SLC22A17: variants seen among roughly 807,000 people sequenced by gnomAD.
SLC22A17 encodes the protein 24p3 receptor.
Under a neutral mutation model 53.6 loss-of-function variants are expected in SLC22A17, and 38 were observed. The ratio of observed to expected loss-of-function variants is 0.71; its 90% CI spans 0.55 to 0.93. The LOEUF is 0.93. Ranked by LOEUF, SLC22A17 falls within the 40% of genes least tolerant of loss-of-function variation. The probability of loss-of-function intolerance (pLI) is 0.00; values close to 1 mark genes in which losing one functional copy is unlikely to be tolerated. For synonymous variants in SLC22A17, 379 were observed against 353.0 expected (o/e 1.07, Z -0.82); for missense variants, 704 against 791.0 (o/e 0.89, Z 1.32).
At chr14:23,349,132 C>T in intron 4 of SLC22A17, 140 bp downstream of exon 4, 2 of 1,112,122 alleles carry the variant, frequency 1.8e-6, no homozygotes, top group Non-Finnish European at 2.7e-6. Context: ...GCCCTGGATT[C>T]TTCAAGGGGG....
chr14:23,351,939 C>A lies in SLC22A17; in HGVS notation c.600+9G>T. 1 of 1,611,812 alleles carries A rather than the reference C, an allele frequency of 6.2e-7. No homozygotes were observed. The highest frequency in any genetic ancestry group is 8.5e-7 in the Non-Finnish European group (1 of 1,178,846). The stretch of plus-strand genomic sequence containing the variant: ...GCCCCCAGACCCGCGGCCCGCCTGG[C>A]CGCCTCACCTGGCCGATGGCGTTGG... On this transcript the variant is annotated intron_variant, in intron 2 of 9. Transcript: ENST00000397267.
chr14:23,346,740 C>T, exon 10 of SLC22A17: 1 of 1,545,440 alleles, frequency 6.5e-7, no homozygotes, highest in Admixed American at 1.9e-5. Flanking sequence ...CGACACAGCT[C>T]CCCGTCCCGG....
chr14:23,347,504 G>A lies in SLC22A17; in HGVS notation c.1505C>T (p.Pro502Leu), dbSNP rs1011030235. Residue 502 changes from proline (P) to leucine (L), a missense_variant, in exon 8 of 10, where the codon CCT becomes CTT. Physicochemically the swap from Pro to Leu is moderately conservative, Grantham distance 98 (BLOSUM62 -3). This residue lies in a region of SLC22A17 where 435 missense variants were observed against 529.0 expected (regional missense o/e 0.82). Transcript: ENST00000397267. This position sits in a 1 kb window ranked among gnomAD's most constrained non-coding sequence, Gnocchi z 5.1. Reference sequence around the variant, plus strand: ...TTGAGCCCACACTGTGGGGAAGATAGGATGCTCACAATCCCACAGGCCCAG... The same window carrying A: ...TTGAGCCCACACTGTGGGGAAGATAAGATGCTCACAATCCCACAGGCCCAG... 1 of 1,613,884 alleles carries A rather than the reference G, an allele frequency of 6.2e-7. No individual in the cohort carries two copies. The highest frequency in any genetic ancestry group is 1.3e-5 in the African/African-American group (1 of 74,904).
exon 10 of SLC22A17, chr14:23,346,688 T>A: frequency 6.5e-7 from 1 of 1,530,098 alleles, no homozygotes; most frequent in South Asian, 1.2e-5. Flanking sequence ...CGGGACGTGG[T>A]CACAGCGGGT....
In SLC22A17 at chr14:23,352,819, C is replaced by A; in HGVS notation, c.-78G>T. 1 of 398,346 alleles carries A rather than the reference C, an allele frequency of 2.5e-6. No individual in the cohort carries two copies. The highest frequency in any genetic ancestry group is 1.3e-4 in the South Asian group (1 of 7,768). The allele number at this position is 398,346 out of a possible 1,614,324, so 24.7% of individuals were successfully genotyped here. A position where few individuals can be genotyped will look rare whatever the true frequency, so the allele number is the denominator to read the frequency against. On this transcript the variant is annotated 5_prime_UTR_variant, in exon 1 of 10. Transcript: ENST00000397267. The surrounding 1 kb of genome is among the most constrained non-coding windows in gnomAD (Gnocchi z 7.2). ...CTGGCTCAGTTGCGCGCCGGCTGCCCGGACACAGACAGCTCGAAGAGATCC... is the reference window on the plus strand; with the variant it reads ...CTGGCTCAGTTGCGCGCCGGCTGCCAGGACACAGACAGCTCGAAGAGATCC...
At chr14:23,351,846 C>A (rs765678245) in exon 3 of SLC22A17, 2 of 1,613,392 alleles carry the variant, frequency 1.2e-6, no homozygotes, top group South Asian at 2.2e-5. Flanking sequence ...AGGTCACACA[C>A]CAGATCCCAC....
intron 3 of SLC22A17, chr14:23,350,846 G>A (rs918072568): frequency 6.6e-6 from 1 of 152,272 alleles, no homozygotes; most frequent in Non-Finnish European, 1.5e-5. Flanking sequence ...GCCCACAGAG[G>A]TGTGTGACTA....
chr14:23,352,241 G>A lies in SLC22A17; in HGVS notation c.307C>T (p.Leu103=). ...CCCAGAGCCACGAAGAGCACCGGCA[G>A]GCAGCAGAGGCCGAGCTGCAGCTGC... Residue 103 remains leucine, a synonymous_variant, in exon 2 of 10, where the codon CTG becomes TTG. Coordinates refer to ENST00000397267, the Ensembl canonical transcript of SLC22A17. This position sits in a 1 kb window ranked among gnomAD's most constrained non-coding sequence, Gnocchi z 7.2. 1 of 1,446,176 alleles carries A rather than the reference G, an allele frequency of 6.9e-7. No homozygotes were observed. Among genetic ancestry groups the A allele is most frequent in the Non-Finnish European group, 9.1e-7 (1 of 1,103,082 alleles). 89.6% of individuals were successfully genotyped at this position (1,446,176 alleles called of 1,614,324 possible). A position where few individuals can be genotyped will look rare whatever the true frequency, so the allele number is the denominator to read the frequency against.
At chr14:23,351,056 C>A (rs1028911048) in intron 3 of SLC22A17, 1 of 152,130 alleles carries the variant, frequency 6.6e-6, no homozygotes, top group African/African-American at 2.4e-5. Flanking sequence ...GATTTTTGAT[C>A]TGTGGGAAGA....
In SLC22A17 at chr14:23,351,739, C is replaced by G; in HGVS notation, c.704+13G>C. 6.2e-7 allele frequency: 1 copy of G among 1,608,466 alleles called. No individual in the cohort carries two copies. Among genetic ancestry groups the G allele is most frequent in the Non-Finnish European group, 8.5e-7 (1 of 1,177,784 alleles). On this transcript the variant is annotated intron_variant, in intron 3 of 9. Coordinates refer to ENST00000397267, the Ensembl canonical transcript of SLC22A17. ...CTCCTTTCTACCAGCCCTGCCCCCACGACAGCCCTCACCTGTCTGCGGGGT... is the reference window on the plus strand; with the variant it reads ...CTCCTTTCTACCAGCCCTGCCCCCAGGACAGCCCTCACCTGTCTGCGGGGT...
At position 23,348,853 on chromosome 14, in the gene SLC22A17, C is replaced by T; in HGVS notation, c.860-182G>A. On this transcript the variant is annotated intron_variant, in intron 4 of 9. Coordinates refer to ENST00000397267, the Ensembl canonical transcript of SLC22A17. The surrounding 1 kb of genome is among the most constrained non-coding windows in gnomAD (Gnocchi z 4.5). ...AGGACTGGGGAGACTGTTCAGCCCTCTCTCCTCTCCTGCTCAAACCTAGGA... is the reference window on the plus strand; with the variant it reads ...AGGACTGGGGAGACTGTTCAGCCCTTTCTCCTCTCCTGCTCAAACCTAGGA... 3 of 653,268 alleles carry T rather than the reference C, an allele frequency of 4.6e-6. No homozygotes were observed. 40.5% of individuals were successfully genotyped at this position (653,268 alleles called of 1,614,324 possible).
chr14:23,348,364 G>A lies in SLC22A17; in HGVS notation c.1026-58C>T. On this transcript the variant is annotated intron_variant, in intron 5 of 9. Coordinates refer to ENST00000397267, the Ensembl canonical transcript of SLC22A17. This position sits in a 1 kb window ranked among gnomAD's most constrained non-coding sequence, Gnocchi z 4.5. ...GCCTCCCTTCTCCTGATCTAGGGGT[G>A]GGAAATGTGCACCTCTGAGGGACTG... The A allele has an allele frequency of 6.9e-6, 11 of 1,603,462 alleles. No individual in the cohort carries two copies. The highest frequency in any genetic ancestry group is 9.4e-6 in the Non-Finnish European group (11 of 1,173,142).
exon 10 of SLC22A17, chr14:23,346,535 C>T (rs144964985): frequency 1.8e-5 from 24 of 1,309,312 alleles, no homozygotes; most frequent in East Asian, 1.3e-4. Context: ...CGATGGCTGG[C>T]GTGAGGTGCC....
chr14:23,348,072 C>G lies in SLC22A17; in HGVS notation c.1172-76G>C. On this transcript the variant is annotated intron_variant, in intron 6 of 9. Coordinates refer to ENST00000397267, the Ensembl canonical transcript of SLC22A17. This position sits in a 1 kb window ranked among gnomAD's most constrained non-coding sequence, Gnocchi z 4.5. ...TCCTCCCACATGGGTGGTGGGGACC[C>G]TGGGAGAAGGTGGCACAGCTACAGC... The G allele has an allele frequency of 6.2e-7, 1 of 1,610,646 alleles. No individual in the cohort carries two copies. Among genetic ancestry groups the G allele is most frequent in the Non-Finnish European group, 8.5e-7 (1 of 1,177,588 alleles).
Position 23,346,670 on chromosome 14 carries a change from G to A in SLC22A17, c.1928C>T (p.Ala643Val). ...CGCTCAGAGGGCAGGGTTGGGGGTG[G>A]CAAGCAGCGGGACGTGGTCACAGCG... Residue 643 changes from alanine (A) to valine (V), a missense_variant, in exon 10 of 10, where the codon GCC becomes GTC. Transcript: ENST00000397267. 1.3e-6 allele frequency: 2 copies of A among 1,509,760 alleles called. No homozygotes were observed. The highest frequency in any genetic ancestry group is 2.3e-5 in the East Asian group (1 of 42,940). 93.5% of individuals were successfully genotyped at this position (1,509,760 alleles called of 1,614,324 possible).
At position 23,348,727 on chromosome 14, in the gene SLC22A17, TAA is replaced by T. The variant is rs1234822727; in HGVS notation, c.860-58_860-57del. ...AGGGAGGCCAGGGAGGAAGAAGGCATAAGAGAGAAGAAGAAAGAGGGAGGGAG... is the reference window on the plus strand; with the variant it reads ...AGGGAGGCCAGGGAGGAAGAAGGCATGAGAGAAGAAGAAAGAGGGAGGGAG... On this transcript the variant is annotated intron_variant, in intron 4 of 9. Transcript: ENST00000397267. The surrounding 1 kb of genome is among the most constrained non-coding windows in gnomAD (Gnocchi z 4.5). 1 of 1,520,236 alleles carries T rather than the reference TAA, an allele frequency of 6.6e-7. No individual in the cohort carries two copies. Among genetic ancestry groups the T allele is most frequent in the African/African-American group, 1.4e-5 (1 of 71,814 alleles). 94.2% of individuals were successfully genotyped at this position (1,520,236 alleles called of 1,614,324 possible).
rs746899623 is a variant in SLC22A17, at chr14:23,348,156, C to G, written c.1171+5G>C. 6 of 1,613,926 alleles carry G rather than the reference C, an allele frequency of 3.7e-6. No individual in the cohort carries two copies. Among genetic ancestry groups the G allele is most frequent in the Non-Finnish European group, 5.1e-6 (6 of 1,179,960 alleles). ...GCAACACTCACAGGGATCCCTGTCT[C>G]TTACCCTGCAGGGCCTCCTGGGCCT... On this transcript the variant is annotated splice_donor_5th_base_variant and intron_variant, in intron 6 of 9. Transcript: ENST00000397267. The surrounding 1 kb of genome is among the most constrained non-coding windows in gnomAD (Gnocchi z 4.5).
At chr14:23,349,731 G>A (rs915631801) in intron 3 of SLC22A17, 1 of 436,080 alleles carries the variant, frequency 2.3e-6, no homozygotes, top group Non-Finnish European at 4.2e-6. Flanking sequence ...ATGGGATATT[G>A]CTTAGGGGAT....
Position 23,348,753 on chromosome 14 carries a change from A to C in SLC22A17, c.860-82T>G. The C allele has an allele frequency of 7.1e-7, 1 of 1,407,422 alleles. No homozygotes were observed. The highest frequency in any genetic ancestry group is 9.5e-7 in the Non-Finnish European group (1 of 1,050,942). The allele number at this position is 1,407,422 out of a possible 1,614,324, so 87.2% of individuals were successfully genotyped here. A position where few individuals can be genotyped will look rare whatever the true frequency, so the allele number is the denominator to read the frequency against. ...AAGAGAGAAGAAGAAAGAGGGAGGG[A>C]GGAGGACAGAGAGAGAGGTCAGACC... On this transcript the variant is annotated intron_variant, in intron 4 of 9. Transcript: ENST00000397267. The surrounding 1 kb of genome is among the most constrained non-coding windows in gnomAD (Gnocchi z 4.5).
Sources: allele counts gnomAD v4.1 joint callset, GRCh38; gene constraint gnomAD v4.1.1; regional missense constraint gnomAD v4.1.1; non-coding constraint Gnocchi (gnomAD v3.1); transcripts MANE v1.5; gene names NCBI Gene and HGNC (gene_info 2026-07-23, HGNC 2026-07-21).